The following KCNIP4 variants were observed in gnomAD, a reference collection of about 807,000 sequenced individuals.
KCNIP4 encodes potassium voltage-gated channel interacting protein 4.
In KCNIP4, 12 loss-of-function variants were observed where a neutral mutation model predicts 34.0. The observed-to-expected ratio is 0.35, with a 90% confidence interval of 0.23 to 0.57. KCNIP4 has a LOEUF of 0.57. Ranked by LOEUF, KCNIP4 falls within the 20% of genes least tolerant of loss-of-function variation. The pLI is 0.83. For missense variants in KCNIP4, 238 were observed against 311.7 expected (o/e 0.76, Z 1.78); for synonymous variants, 124 against 102.2 (o/e 1.21, Z -1.29).
intron 1 of KCNIP4, among the ~76,000 whole-genome samples, chr4:21,298,546 C>T (rs907011507): frequency 1.3e-5 from 2 of 152,012 alleles, no homozygotes; most frequent in Non-Finnish European, 2.9e-5. Flanking sequence ...CTTCTCTGCC[C>T]CATCTATTTC....
At chr4:20,994,842 A>G (rs1737401796) in intron 1 of KCNIP4, among the ~76,000 whole-genome samples, 1 of 152,178 alleles carries the variant, frequency 6.6e-6, no homozygotes, top group Non-Finnish European at 1.5e-5. Flanking sequence ...CAAGTGTGCA[A>G]TGCTCTGAAC....
chr4:21,735,054 G>C (rs1161852718), intron 1 of KCNIP4, among the ~76,000 whole-genome samples: 1 of 152,012 alleles, frequency 6.6e-6, no homozygotes, highest in Non-Finnish European at 1.5e-5. Context: ...TGTGTTCCAA[G>C]TACCATGTTA....
intron 1 of KCNIP4, among the ~76,000 whole-genome samples, chr4:21,532,457 T>A (rs1736768054): frequency 6.6e-6 from 1 of 152,136 alleles, no homozygotes; most frequent in Non-Finnish European, 1.5e-5. Flanking sequence ...TATTTCGAAA[T>A]GCACAGGAAA....
chr4:20,968,940 A>T (rs1342138140), intron 1 of KCNIP4, among the ~76,000 whole-genome samples: 1 of 152,176 alleles, frequency 6.6e-6, no homozygotes, highest in Non-Finnish European at 1.5e-5. Flanking sequence ...AAATAAAAAT[A>T]AAAGTAAATA....
chr4:21,666,692 T>C (rs1007063573), intron 1 of KCNIP4, among the ~76,000 whole-genome samples: 2 of 152,162 alleles, frequency 1.3e-5, no homozygotes, highest in Non-Finnish European at 2.9e-5. Flanking sequence ...ATGGTACTTA[T>C]GCAGAGCAGC....
chr4:21,331,394 C>T (rs1445089380), intron 1 of KCNIP4, among the ~76,000 whole-genome samples: 3 of 152,082 alleles, frequency 2.0e-5, no homozygotes, highest in Non-Finnish European at 4.4e-5. Context: ...ACTTTTACTA[C>T]ATTATCATGT....
chr4:21,284,759 T>TGC (rs1009889613), intron 1 of KCNIP4, among the ~76,000 whole-genome samples: 1 of 150,282 alleles, frequency 6.7e-6, no homozygotes, highest in African/African-American at 2.5e-5. Context: ...TGTGTGTGTG[T>TGC]GCGTGTGTGT....
At chr4:21,087,930 C>T (rs1746615866) in intron 1 of KCNIP4, among the ~76,000 whole-genome samples, 1 of 152,090 alleles carries the variant, frequency 6.6e-6, no homozygotes, top group African/African-American at 2.4e-5. Context: ...AGATACGCTT[C>T]CCTTCTCACT....
intron 1 of KCNIP4, among the ~76,000 whole-genome samples, chr4:21,355,887 G>A (rs1272840452): frequency 2.0e-5 from 3 of 152,004 alleles, no homozygotes; most frequent in East Asian, 1.9e-4. Context: ...CATGAACATC[G>A]ATGCAAAAAT....
At chr4:21,115,623 G>T (rs1263397740) in intron 1 of KCNIP4, among the ~76,000 whole-genome samples, 1 of 152,078 alleles carries the variant, frequency 6.6e-6, no homozygotes, top group Non-Finnish European at 1.5e-5. Flanking sequence ...ACCAAGCAAA[G>T]CCTAAATACC....
intron 1 of KCNIP4, among the ~76,000 whole-genome samples, chr4:21,742,004 T>C (rs1289523427): frequency 6.6e-6 from 1 of 152,040 alleles, no homozygotes; most frequent in East Asian, 1.9e-4. Flanking sequence ...ACCACTGCAC[T>C]CCAGCCTAGG....
intron 1 of KCNIP4, among the ~76,000 whole-genome samples, chr4:21,339,621 A>T (rs1416734146): frequency 6.6e-6 from 1 of 152,172 alleles, no homozygotes; most frequent in African/African-American, 2.4e-5. Context: ...TTAGGAAGAC[A>T]TAGTGGGGAA....
At chr4:21,066,828 C>T (rs1577629493) in intron 1 of KCNIP4, among the ~76,000 whole-genome samples, 1 of 152,150 alleles carries the variant, frequency 6.6e-6, no homozygotes, top group East Asian at 1.9e-4. Flanking sequence ...ATGAGGACTG[C>T]AATCCCTGGG....
intron 1 of KCNIP4, among the ~76,000 whole-genome samples, chr4:21,810,689 C>CAAA (rs397992521): frequency 0.018 from 1,938 of 107,478 alleles, 119 homozygotes; most frequent in African/African-American, 0.053. Flanking sequence ...GACTCCGTCT[C>CAAA]AAAAAAAAAA....
rs113067084 is a variant in KCNIP4, at chr4:21,922,411, A to G, written c.61+26160T>C. 5.1e-4 allele frequency among the ~76,000 whole-genome samples: 78 copies of G among 152,296 alleles called. 1 individual carries two copies. The highest frequency in any genetic ancestry group is 1.8e-3 in the African/African-American group (76 of 41,566). On this transcript the variant is annotated intron_variant, in intron 1 of 8. Transcript: ENST00000382152. Reference sequence around the variant, plus strand: ...AGTAAGTATCTGGTGAATTGCAAATAAGTTTATTGGGTTCTTACGCATTAG... The same window carrying G: ...AGTAAGTATCTGGTGAATTGCAAATGAGTTTATTGGGTTCTTACGCATTAG...
chr4:21,467,914 T>G (rs1203324960), intron 1 of KCNIP4, among the ~76,000 whole-genome samples: 2 of 152,296 alleles, frequency 1.3e-5, no homozygotes, highest in South Asian at 2.1e-4. Flanking sequence ...GGAAATATCC[T>G]GTTATCCCAT....
chr4:21,481,329 G>A (rs1354153628), intron 1 of KCNIP4, among the ~76,000 whole-genome samples: 1 of 152,176 alleles, frequency 6.6e-6, no homozygotes, highest in African/African-American at 2.4e-5. Flanking sequence ...CTCACAACAT[G>A]AGAACTTTCA....
In KCNIP4 at chr4:20,858,545, C is replaced by A. The variant is rs576194264; in HGVS notation, c.164-7878G>T. On this transcript the variant is annotated intron_variant, in intron 2 of 8. Transcript: ENST00000382152. ...CAATTATGTCATTTAATCTTCACAA[C>A]ATCTTTCAAGAGAAGGATTATCATC... 4.6e-5 allele frequency among the ~76,000 whole-genome samples: 7 copies of A among 152,264 alleles called. 1 individual carries two copies. In the South Asian group the frequency reaches 1.5e-3, roughly 32 times the overall value.
At chr4:21,789,572 A>T (rs1342516460) in intron 1 of KCNIP4, among the ~76,000 whole-genome samples, 2 of 152,216 alleles carry the variant, frequency 1.3e-5, no homozygotes, top group Non-Finnish European at 2.9e-5. Context: ...TGGGTCACAG[A>T]GGGGTGGAGG....
Sources: allele counts gnomAD v4.1 joint callset (sites outside exome capture counted in the v4.1 genomes callset), GRCh38; gene constraint gnomAD v4.1.1; transcripts MANE v1.5; gene names NCBI Gene and HGNC (gene_info 2026-07-23, HGNC 2026-07-21).